The following PCNT variants were observed in gnomAD, a reference collection of about 807,000 sequenced individuals.
PCNT encodes pericentrin, also known as kendrin.
A neutral mutation model predicts 380.4 loss-of-function variants in PCNT; 319 were observed. The observed-to-expected ratio is 0.84, with a 90% CI of 0.77 to 0.92. The LOEUF is 0.92. PCNT is among the 40% of genes least tolerant of loss of function. The pLI is 0.00. For synonymous variants in PCNT, 1,845 were observed against 1,735.2 expected (o/e 1.06, Z -1.57); for missense variants, 4,400 against 4,255.3 (o/e 1.03, Z -0.95).
At chr21:46,361,771 T>G (rs1310620568) in intron 13 of PCNT, among the ~76,000 whole-genome samples, 1 of 152,192 alleles carries the variant, frequency 6.6e-6, no homozygotes, top group African/African-American at 2.4e-5. Flanking sequence ...TTTGAAGTCT[T>G]TATTTTACCT....
At chr21:46,346,054 C>G in intron 3 of PCNT, 74 bp from the exon 4 acceptor site, 3 of 1,388,888 alleles carry the variant, frequency 2.2e-6, no homozygotes, top group Non-Finnish European at 3.1e-6. Context: ...GGACGTGCGT[C>G]GTCAGTTCTT....
chr21:46,341,798 C>T (rs908342775), intron 3 of PCNT, among the ~76,000 whole-genome samples: 1 of 152,088 alleles, frequency 6.6e-6, no homozygotes, highest in African/African-American at 2.4e-5. Flanking sequence ...TTCTACTCAG[C>T]CTCCTGAGTA....
intron 39 of PCNT, among the ~76,000 whole-genome samples, chr21:46,436,418 C>G (rs891155575): frequency 4.3e-5 from 6 of 138,224 alleles, no homozygotes; most frequent in African/African-American, 1.6e-4. Context: ...GTTCTCTTTA[C>G]ACTCTGTGTA....
At position 46,414,117 on chromosome 21, in the gene PCNT, G is replaced by C. The variant is rs191012270; in HGVS notation, c.6150+1125G>C. Among the ~76,000 whole-genome samples, 1,001 of 151,902 alleles carry C rather than the reference G, an allele frequency of 6.6e-3. 10 individuals are homozygous for C. Among genetic ancestry groups the C allele is most frequent in the African/African-American group, 0.023 (947 of 41,406 alleles). ...AGTGATTCTGCAGCCTCAGCCTCCC[G>C]AGTAGCTGGGACTGCAGGCATGCGC... On this transcript the variant is annotated intron_variant, in intron 29 of 46. Transcript: ENST00000359568.
intron 25 of PCNT, 143 bp from the exon 26 acceptor site, chr21:46,401,408 G>T (rs1279519120): frequency 7.1e-6 from 5 of 707,036 alleles, no homozygotes; most frequent in African/African-American, 1.8e-5. Context: ...GTGTTGCCTG[G>T]TGTGTCACTG....
chr21:46,443,888 C>G lies in PCNT; in HGVS notation c.9779C>G (p.Thr3260Ser). Residue 3260 changes from threonine (T) to serine (S), a missense_variant, in exon 45 of 47, where the codon ACC (threonine) becomes AGC (serine). Physicochemically the swap from Thr to Ser is moderately conservative, Grantham distance 58. Transcript: ENST00000359568. ...ACCCGGGATGTACCCTCTGGCCACA[C>G]CAGGGACCCTGCCAGAGGCCGCAGA... is the stretch of plus-strand genomic sequence containing the variant. ...PPTRDVPSGHTRDPARGRRLA... is the reference protein window; with the variant it reads ...PPTRDVPSGHSRDPARGRRLA... 1 of 1,613,066 alleles carries G rather than the reference C, an allele frequency of 6.2e-7. No homozygotes were observed. The highest frequency in any genetic ancestry group is 8.5e-7 in the Non-Finnish European group (1 of 1,179,968).
intron 2 of PCNT, among the ~76,000 whole-genome samples, chr21:46,327,954 G>A (rs1435431618): frequency 6.6e-6 from 1 of 152,162 alleles, no homozygotes; most frequent in Non-Finnish European, 1.5e-5. Flanking sequence ...CTCCTTGGGG[G>A]CCTACAAACC....
In PCNT at chr21:46,355,685, G is replaced by A. The variant is rs73907210; in HGVS notation, c.1936+59G>A. ...GGTCCCGGGTCTGGGGGACGTTCTC[G>A]GGGAGCCTGGGTGCCTGGGTTCGAT... On this transcript the variant is annotated intron_variant, in intron 12 of 46. Coordinates refer to ENST00000359568, the MANE Select transcript of PCNT (RefSeq NM_006031.6). The A allele has an allele frequency of 9.5e-3, 14,927 of 1,568,890 alleles. 1,015 individuals are homozygous for A. In the African/African-American group the frequency reaches 0.16, roughly 17 times the overall value.
At chr21:46,353,741 TGTGTGTGTGTGA>T (rs976574021) in intron 10 of PCNT, among the ~76,000 whole-genome samples, 62 of 139,464 alleles carry the variant, frequency 4.4e-4, no homozygotes, top group African/African-American at 1.1e-3. Context: ...TGTGTGTGTG[TGTGTGTGTGTGA>T]GAGAGACAGA....
At chr21:46,426,089 T>TGAGACAGAGTCTCGC in intron 33 of PCNT, 118 bp downstream of exon 33, 10 of 1,062,662 alleles carry the variant, frequency 9.4e-6, no homozygotes, top group African/African-American at 8.2e-5. Flanking sequence ...TTTTTTTTTT[T>TGAGACAGAGTCTCGC]TTTTTTTGAG....
At chr21:46,390,949 C>T in intron 20 of PCNT, 117 bp downstream of exon 20, 1 of 1,323,374 alleles carries the variant, frequency 7.6e-7, no homozygotes, top group Non-Finnish European at 1.1e-6. Flanking sequence ...AAAAACAAAG[C>T]CAACATGGGA....
intron 1 of PCNT, chr21:46,325,232 G>A (rs994295115): frequency 1.0e-6 from 1 of 980,174 alleles, no homozygotes. Flanking sequence ...TCCCCCCCAG[G>A]ATGTTCTGGC....
rs760187846 is a variant in PCNT at position 46,416,280 on chromosome 21, A to G, written c.6362A>G (p.Asp2121Gly). Reference protein sequence around the residue: ...SDDSCDGEEPDISPHIDTCDA... With the variant: ...SDDSCDGEEPGISPHIDTCDA... ...GATTCCTGTGACGGAGAAGAGCCTG[A>G]CATATCACCCCACATAGACACATGT... Residue 2121 changes from aspartate (D) to glycine (G), a missense_variant, in exon 30 of 47, where the codon GAC (aspartate) becomes GGC (glycine). Transcript: ENST00000359568. 1 of 1,614,156 alleles carries G rather than the reference A, an allele frequency of 6.2e-7. No homozygotes were observed. The highest frequency in any genetic ancestry group is 1.1e-5 in the South Asian group (1 of 91,084).
chr21:46,406,561 A>C (rs565469026), intron 27 of PCNT, among the ~76,000 whole-genome samples: 1 of 152,316 alleles, frequency 6.6e-6, no homozygotes, highest in Non-Finnish European at 1.5e-5. Flanking sequence ...TCTTCAGATA[A>C]AGACAGTTTT....
At chr21:46,443,732 C>A in intron 44 of PCNT, 78 bp from the exon 45 acceptor site, 2 of 1,386,904 alleles carry the variant, frequency 1.4e-6, no homozygotes, top group South Asian at 2.3e-5. Context: ...TACGTTTAAA[C>A]TGTTGATAGA....
At position 46,431,782 on chromosome 21, in the gene PCNT, A is replaced by G. The variant is rs1477558990; in HGVS notation, c.8318A>G (p.Gln2773Arg). 3.1e-6 allele frequency: 5 copies of G among 1,613,232 alleles called. No homozygotes were observed. The highest frequency in any genetic ancestry group is 1.7e-5 in the Admixed American group (1 of 60,002). The change falls in exon 38 of 47, where the codon CAG (glutamine) becomes CGG (arginine). Residue 2773 changes from glutamine to arginine, a missense_variant. Coordinates refer to ENST00000359568, the MANE Select transcript of PCNT (RefSeq NM_006031.6). ...CGGCTCCTGACCGAGCAGCTGAGCC[A>G]GAGGACACAGGAGGCTTGCGTGCAC... The part of the protein sequence containing the change: ...HERLLTEQLS[Q>R]RTQEACVHQD...
chr21:46,387,799 G>A (rs930397434), intron 17 of PCNT, among the ~76,000 whole-genome samples: 1 of 152,186 alleles, frequency 6.6e-6, no homozygotes, highest in East Asian at 1.9e-4. Context: ...AGGGAGGGCT[G>A]GCTGTGTAGT....
intron 12 of PCNT, among the ~76,000 whole-genome samples, chr21:46,355,904 G>T (rs928604805): frequency 6.6e-6 from 1 of 152,196 alleles, no homozygotes; most frequent in African/African-American, 2.4e-5. Flanking sequence ...GGGATTGCTG[G>T]ATGGACATGG....
chr21:46,371,148 G>A (rs572493400), intron 15 of PCNT, among the ~76,000 whole-genome samples: 62 of 151,852 alleles, frequency 4.1e-4, no homozygotes, highest in Non-Finnish European at 6.3e-4. Context: ...GCTTGAACCT[G>A]GGAATCTGAG....
Sources: allele counts gnomAD v4.1 joint callset (sites outside exome capture counted in the v4.1 genomes callset), GRCh38; gene constraint gnomAD v4.1.1; transcripts MANE v1.5; gene names NCBI Gene and HGNC (gene_info 2026-07-23, HGNC 2026-07-21).